Variants in MOCOS observed in about 807,000 individuals in gnomAD.
The protein encoded by MOCOS is molybdenum cofactor sulfurase.
Under a neutral mutation model 83.6 loss-of-function variants are expected in MOCOS, and 86 were observed. That is an observed-to-expected ratio of 1.03 (90% CI 0.86 to 1.23). The LOEUF is 1.23. Ranked by LOEUF, MOCOS falls within the 50% of genes most tolerant of loss-of-function variation. MOCOS has a pLI of 0.00. For missense variants in MOCOS, 1,120 were observed against 1,126.9 expected, an observed-to-expected ratio of 0.99 and a Z score of 0.09; for synonymous variants, 445 against 434.7, an observed-to-expected ratio of 1.02 and a Z score of -0.29.
chr18:36,220,666 G>A (rs998091374), intron 9 of MOCOS, among the ~76,000 whole-genome samples: 13 of 152,162 alleles, frequency 8.5e-5, no homozygotes, highest in African/African-American at 2.9e-4. Context: ...GGTGGCTCAC[G>A]CTTGTAATCC....
chr18:36,221,624 G>A (rs1247210395), intron 9 of MOCOS, among the ~76,000 whole-genome samples: 1 of 150,758 alleles, frequency 6.6e-6, no homozygotes, highest in Non-Finnish European at 1.5e-5. Context: ...GTTCTGTTCT[G>A]TTCTGTTCTG....
At chr18:36,211,834 G>C (rs1336083039) in intron 6 of MOCOS, among the ~76,000 whole-genome samples, 1 of 151,396 alleles carries the variant, frequency 6.6e-6, no homozygotes, top group East Asian at 1.9e-4. Context: ...GGGCTGATCT[G>C]TGACTCGCTC....
At chr18:36,205,703 G>A (rs1157790626) in intron 6 of MOCOS, among the ~76,000 whole-genome samples, 4 of 152,102 alleles carry the variant, frequency 2.6e-5, no homozygotes, top group South Asian at 2.1e-4. Flanking sequence ...TTTGGAAGAC[G>A]GTGCTGGTTT....
rs142346997 is a variant in MOCOS, at chr18:36,206,195, G to A, written c.1218+919G>A. Reference sequence around the variant, plus strand: ...CAGCCAGAGAGGAAGCAAGAGAGAGGGTGAGGGAGGTACCTGGCACTTTAT... The same window carrying A: ...CAGCCAGAGAGGAAGCAAGAGAGAGAGTGAGGGAGGTACCTGGCACTTTAT... On this transcript the variant is annotated intron_variant, in intron 6 of 14. Transcript: ENST00000261326. Among the ~76,000 whole-genome samples the A allele has an allele frequency of 7.5e-3, 1,145 of 151,992 alleles. 5 individuals carry two copies. The highest frequency in any genetic ancestry group is 0.011 in the Non-Finnish European group (766 of 67,968).
rs943382580 is a variant in MOCOS, at chr18:36,199,833, C to T, written c.450C>T (p.Asp150=). The T allele has an allele frequency of 6.2e-7, 1 of 1,614,170 alleles. No individual in the cohort carries two copies. Among genetic ancestry groups the T allele is most frequent in the East Asian group, 2.2e-5 (1 of 44,866 alleles). The change falls in exon 4 of 15, where the codon GAC becomes GAT. Residue 150 remains aspartate (D), a synonymous_variant. Coordinates refer to ENST00000261326, the MANE Select transcript of MOCOS (RefSeq NM_017947.4). ...SSGSRFCYLT[D]SHTSVVGMRN... ...GGAGTCGCTTCTGTTACCTCACCGA[C>T]AGCCACACCTCCGTAGTGGGTATGC...
chr18:36,192,545 A>G (rs2091370217), intron 1 of MOCOS, among the ~76,000 whole-genome samples: 1 of 152,246 alleles, frequency 6.6e-6, no homozygotes. Context: ...ATACAGATTC[A>G]ATGAAATGCC....
intron 2 of MOCOS, among the ~76,000 whole-genome samples, 168 bp from the exon 3 acceptor site, chr18:36,198,498 AACATTCCCATGCAAGTCTGTATGG>A (rs1431759938): frequency 6.6e-6 from 1 of 152,252 alleles, no homozygotes; most frequent in Non-Finnish European, 1.5e-5. Flanking sequence ...TAAAGCTACG[AACATTCCCATGCAAGTCTGTATGG>A]ACATAAGTTT....
chr18:36,189,298 G>C (rs767260791), intron 1 of MOCOS, among the ~76,000 whole-genome samples: 1 of 152,184 alleles, frequency 6.6e-6, no homozygotes, highest in Non-Finnish European at 1.5e-5. Flanking sequence ...ATGTCTGGTA[G>C]TGTTGTGGGC....
intron 10 of MOCOS, among the ~76,000 whole-genome samples, chr18:36,249,686 A>G (rs796146861): frequency 7.2e-5 from 11 of 152,234 alleles, no homozygotes; most frequent in African/African-American, 2.6e-4. Flanking sequence ...TGTTAGCAAC[A>G]CAGGTGAGAC....
At position 36,220,199 on chromosome 18, in the gene MOCOS, A is replaced by G. The variant is rs1214979869; in HGVS notation, c.1942A>G (p.Met648Val). The G allele has an allele frequency of 3.7e-6, 6 of 1,614,128 alleles. No individual in the cohort carries two copies. The highest frequency in any genetic ancestry group is 2.2e-5 in the East Asian group (1 of 44,896). ...QPFIDLRQRI[M>V]VIKAKGMEPI... ...CTTCATCGACTTGCGGCAAAGGATC[A>G]TGGTCATCAAAGCCAAAGGTGGGAA... The change falls in exon 9 of 15, where the codon ATG becomes GTG. Residue 648 changes from methionine (M) to valine (V), a missense_variant. Physicochemically the swap from Met to Val is conservative, Grantham distance 21. Transcript: ENST00000261326.
At chr18:36,196,319 T>C (rs573487240) in intron 2 of MOCOS, among the ~76,000 whole-genome samples, 1 of 152,328 alleles carries the variant, frequency 6.6e-6, no homozygotes, top group Non-Finnish European at 1.5e-5. Flanking sequence ...CTTTCTCTCT[T>C]CAGCCTCACA....
chr18:36,187,853 C>T (rs1445525751), intron 1 of MOCOS, among the ~76,000 whole-genome samples, 172 bp downstream of exon 1: 1 of 152,232 alleles, frequency 6.6e-6, no homozygotes, highest in African/African-American at 2.4e-5. Flanking sequence ...GAGGTCCCAC[C>T]TGCAGCCCCA....
At chr18:36,189,874 C>A (rs145587974) in intron 1 of MOCOS, 3 of 152,304 alleles carry the variant, frequency 2.0e-5, no homozygotes, top group African/African-American at 7.2e-5. Context: ...TATAGCAGCT[C>A]ATTTAACCTT....
At chr18:36,257,556 C>T (rs992095640) in intron 12 of MOCOS, among the ~76,000 whole-genome samples, 6 of 152,118 alleles carry the variant, frequency 3.9e-5, no homozygotes, top group African/African-American at 1.4e-4. Flanking sequence ...AATTAGCACC[C>T]CTCCCTGCCC....
At chr18:36,264,579 T>G (rs1290540871) in intron 13 of MOCOS, among the ~76,000 whole-genome samples, 5 of 152,146 alleles carry the variant, frequency 3.3e-5, no homozygotes, top group Non-Finnish European at 1.5e-5. Context: ...CCTGATGTAG[T>G]TCTCACCAAA....
chr18:36,237,423 C>T (rs957657472), intron 9 of MOCOS, among the ~76,000 whole-genome samples: 2 of 152,136 alleles, frequency 1.3e-5, no homozygotes, highest in African/African-American at 4.8e-5. Context: ...TGTTTATATG[C>T]TGGATTACAT....
chr18:36,202,864 G>C (rs60986604), intron 4 of MOCOS, among the ~76,000 whole-genome samples: 1 of 152,010 alleles, frequency 6.6e-6, no homozygotes, highest in Non-Finnish European at 1.5e-5. Flanking sequence ...ATCAGATCTC[G>C]TGAGAACTCC....
chr18:36,237,740 C>T (rs1010681948), intron 9 of MOCOS, among the ~76,000 whole-genome samples: 8 of 151,704 alleles, frequency 5.3e-5, no homozygotes, highest in South Asian at 2.1e-4. Context: ...TGGTAGAATT[C>T]GGCTGTGAAT....
rs1242841553 is a variant in MOCOS, at chr18:36,266,796, A to G, written c.2457A>G (p.Gln819=). 3.7e-6 allele frequency: 6 copies of G among 1,614,108 alleles called. No homozygotes were observed. The highest frequency in any genetic ancestry group is 4.2e-6 in the Non-Finnish European group (5 of 1,180,050). ...HRCQMICIDQ[Q]TGQRNQHVFQ... ...GCCAGATGATTTGCATCGACCAGCA[A>G]ACTGGGCAACGAAACCAGCATGTTT... Residue 819 remains glutamine, a synonymous_variant, in exon 14 of 15, where the codon CAA becomes CAG. Coordinates refer to ENST00000261326, the MANE Select transcript of MOCOS (RefSeq NM_017947.4).
Sources: gnomAD v4.1 joint callset for allele counts (sites outside exome capture counted in the v4.1 genomes callset) on GRCh38, gnomAD v4.1.1 for gene constraint, MANE v1.5 for transcripts, NCBI Gene and HGNC (gene_info 2026-07-23, HGNC 2026-07-21) for gene names.